Variants in AFDN observed in about 807,000 individuals in gnomAD.
The protein encoded by AFDN is afadin, adherens junction formation factor, also known as afadin.
In AFDN, 68 loss-of-function variants were observed where a neutral mutation model predicts 216.6. That is an observed-to-expected ratio of 0.31 (90% CI 0.26 to 0.38). The LOEUF (loss-of-function observed/expected upper bound fraction) is 0.38, where lower values mean the gene tolerates loss of function less well. AFDN is among the 10% of genes least tolerant of loss of function. The pLI is 1.00. For synonymous variants in AFDN, 868 were observed against 853.7 expected (o/e 1.02, Z -0.29); for missense variants, 2,136 against 2,342.0 (o/e 0.91, Z 1.82).
In AFDN at chr6:167,907,245, G is replaced by T. The variant is rs1358115454; in HGVS notation, c.1725G>T (p.Met575Ile). ...STAERGMVKP[M>I]IRVEQQPDYR... is the part of the protein sequence containing the mutation. The stretch of plus-strand genomic sequence containing the variant: ...CCGAGCGGGGAATGGTGAAGCCGAT[G>T]ATCAGAGTAGAACAGCAGCCAGATT... The change falls in exon 13 of 34, where the codon ATG (methionine) becomes ATT (isoleucine). Residue 575 changes from methionine (M) to isoleucine (I), a missense_variant. Coordinates refer to ENST00000683244, the MANE Select transcript of AFDN (RefSeq NM_001386888.1). 7.4e-6 allele frequency: 12 copies of T among 1,614,204 alleles called. No individual in the cohort carries two copies. The highest frequency in any genetic ancestry group is 1.0e-5 in the Non-Finnish European group (12 of 1,180,016).
At chr6:167,969,292 TG>T in intron 33 of AFDN, 94 bp downstream of exon 33, 1 of 942,824 alleles carries the variant, frequency 1.1e-6, no homozygotes, top group Non-Finnish European at 1.7e-6. Context: ...ACAGACTTCA[TG>T]GCTTCACTCT....
chr6:167,943,382 A>G lies in AFDN; in HGVS notation c.3166-20A>G, dbSNP rs1387188468. 2 of 1,610,652 alleles carry G rather than the reference A, an allele frequency of 1.2e-6. No individual in the cohort carries two copies. The highest frequency in any genetic ancestry group is 1.7e-6 in the Non-Finnish European group (2 of 1,176,840). ...TGCTCTCTACCCCTAATCCATGCACACACCTGTGGATTTGCCTAGGATGGA... is the reference window on the plus strand; with the variant it reads ...TGCTCTCTACCCCTAATCCATGCACGCACCTGTGGATTTGCCTAGGATGGA... On this transcript the variant is annotated intron_variant, in intron 24 of 33. Transcript: ENST00000683244.
chr6:167,867,113 C>T (rs549356111), intron 2 of AFDN, among the ~76,000 whole-genome samples: 1 of 152,316 alleles, frequency 6.6e-6, no homozygotes, highest in African/African-American at 2.4e-5. Flanking sequence ...ACCTTCAGTG[C>T]CTACTCACAC....
At chr6:167,871,393 A>G (rs943628213) in intron 3 of AFDN, among the ~76,000 whole-genome samples, 1 of 152,164 alleles carries the variant, frequency 6.6e-6, no homozygotes, top group African/African-American at 2.4e-5. Context: ...TTTGCTATGG[A>G]CCACAGACCC....
intron 1 of AFDN, among the ~76,000 whole-genome samples, chr6:167,855,728 C>A (rs1375491460): frequency 1.3e-5 from 2 of 152,076 alleles, no homozygotes; most frequent in Non-Finnish European, 2.9e-5. Context: ...CTTAGCTACA[C>A]CAAATAGTGA....
chr6:167,870,822 A>G (rs1784705763), intron 3 of AFDN, among the ~76,000 whole-genome samples: 1 of 152,136 alleles, frequency 6.6e-6, no homozygotes, highest in African/African-American at 2.4e-5. Context: ...TCTAATAAGG[A>G]TCAAAAGGGA....
intron 4 of AFDN, among the ~76,000 whole-genome samples, chr6:167,873,953 T>C (rs1456869163): frequency 6.6e-6 from 1 of 152,218 alleles, no homozygotes; most frequent in Non-Finnish European, 1.5e-5. Context: ...GGTTTAGATA[T>C]GAATCTACTA....
chr6:167,914,772 C>A, intron 18 of AFDN, 34 bp downstream of exon 18: 1 of 1,432,418 alleles, frequency 7.0e-7, no homozygotes, highest in Non-Finnish European at 9.8e-7. Context: ...CCCTCTATCC[C>A]GCTTCCTTCA....
intron 13 of AFDN, among the ~76,000 whole-genome samples, chr6:167,908,069 G>A (rs1789935223): frequency 6.6e-6 from 1 of 152,220 alleles, no homozygotes; most frequent in Non-Finnish European, 1.5e-5. Context: ...GACTTCTATG[G>A]CATTCTCATT....
At chr6:167,858,234 A>G (rs1783122319) in intron 1 of AFDN, among the ~76,000 whole-genome samples, 1 of 152,220 alleles carries the variant, frequency 6.6e-6, no homozygotes, top group Admixed American at 6.5e-5. Context: ...GTTATGGCTT[A>G]CAAATGTGTA....
intron 8 of AFDN, among the ~76,000 whole-genome samples, chr6:167,891,408 G>GTGTGTGTGTGTGTGTGTGT (rs1562619712): frequency 3.6e-4 from 26 of 72,106 alleles, no homozygotes; most frequent in Non-Finnish European, 5.3e-4. Context: ...TAAAGGGGTG[G>GTGTGTGTGTGTGTGTGTGT]GTGTGTGTGT....
intron 9 of AFDN, among the ~76,000 whole-genome samples, chr6:167,895,153 G>T (rs1788079164): frequency 6.6e-6 from 1 of 151,812 alleles, no homozygotes; most frequent in Admixed American, 6.6e-5. Flanking sequence ...CCACCAGGGA[G>T]CTCAGAGATG....
intron 23 of AFDN, among the ~76,000 whole-genome samples, chr6:167,927,037 C>G (rs1357501687): frequency 1.3e-5 from 2 of 152,172 alleles, no homozygotes; most frequent in Admixed American, 6.5e-5. Context: ...TAGCACAACT[C>G]TCACTGAATT....
chr6:167,849,165 G>T (rs1395766328), intron 1 of AFDN, among the ~76,000 whole-genome samples: 4 of 152,100 alleles, frequency 2.6e-5, no homozygotes, highest in African/African-American at 7.2e-5. Flanking sequence ...AGTAGATAAC[G>T]CATAAAAAGT....
chr6:167,839,406 T>C lies in AFDN; in HGVS notation c.105+12169T>C, dbSNP rs575861888. ...TAGCCCTATTAAAATTATGGACATT[T>C]AAACATTTTTCTTCAATTGTAGGGA... On this transcript the variant is annotated intron_variant, in intron 1 of 33. Transcript: ENST00000683244. Among the ~76,000 whole-genome samples, 8 of 152,320 alleles carry C rather than the reference T, an allele frequency of 5.3e-5. No homozygotes were observed. The South Asian group carries it at 1.7e-3, about 32-fold the overall frequency.
At chr6:167,903,731 GA>G (rs560750105) in intron 12 of AFDN, among the ~76,000 whole-genome samples, 3 of 151,014 alleles carry the variant, frequency 2.0e-5, no homozygotes, top group East Asian at 3.9e-4. Flanking sequence ...GCTTCTTGGG[GA>G]AAAAAAAATC....
At chr6:167,958,057 A>T (rs1389405097) in intron 30 of AFDN, among the ~76,000 whole-genome samples, 1 of 151,698 alleles carries the variant, frequency 6.6e-6, no homozygotes, top group Non-Finnish European at 1.5e-5. Context: ...AAAATCCAAA[A>T]CTCTTTGAGC....
chr6:167,882,654 C>CA (rs1201831664), intron 6 of AFDN, among the ~76,000 whole-genome samples: 2 of 151,826 alleles, frequency 1.3e-5, no homozygotes, highest in Non-Finnish European at 2.9e-5. Flanking sequence ...CAAAAACAAA[C>CA]AAACAAAAAA....
At chr6:167,859,567 A>T (rs142755393) in intron 1 of AFDN, among the ~76,000 whole-genome samples, 1 of 152,284 alleles carries the variant, frequency 6.6e-6, no homozygotes, top group East Asian at 1.9e-4. Flanking sequence ...TGGTTGACCT[A>T]TTTAAGTTTT....
Sources: allele counts gnomAD v4.1 joint callset (sites outside exome capture counted in the v4.1 genomes callset), GRCh38; gene constraint gnomAD v4.1.1; transcripts MANE v1.5; gene names NCBI Gene and HGNC (gene_info 2026-07-23, HGNC 2026-07-21).